Variants in PRKN observed in about 807,000 individuals in gnomAD.
PRKN encodes parkin RBR E3 ubiquitin protein ligase, also known as E3 ubiquitin-protein ligase parkin.
In PRKN, 56 loss-of-function variants were observed where a neutral mutation model predicts 59.5. The observed-to-expected ratio is 0.94, with a 90% confidence interval of 0.76 to 1.18. The LOEUF is 1.18. Among genes scored for constraint, PRKN ranks in the 50% most tolerant of loss-of-function variants. The pLI is 0.00. For missense variants in PRKN, 657 were observed against 596.4 expected, an observed-to-expected ratio of 1.10 and a Z score of -1.06; for synonymous variants, 250 against 222.1, an observed-to-expected ratio of 1.13 and a Z score of -1.12.
intron 4 of PRKN, among the ~76,000 whole-genome samples, chr6:162,075,885 C>A (rs113299511): frequency 2.6e-5 from 4 of 151,718 alleles, no homozygotes; most frequent in African/African-American, 9.7e-5. Context: ...TTCACTGAAC[C>A]GTACACATTG....
chr6:161,580,545 C>T (rs922676643), intron 7 of PRKN, among the ~76,000 whole-genome samples: 5 of 152,070 alleles, frequency 3.3e-5, no homozygotes, highest in African/African-American at 9.7e-5. Flanking sequence ...GGTGCAATCT[C>T]GGCTCACTGC....
At chr6:161,689,494 A>C (rs1785695434) in intron 7 of PRKN, among the ~76,000 whole-genome samples, 1 of 152,170 alleles carries the variant, frequency 6.6e-6, no homozygotes, top group Non-Finnish European at 1.5e-5. Flanking sequence ...AAAACCTTTT[A>C]AAATAAAAGT....
At chr6:161,571,525 T>C (rs1011879879) in intron 7 of PRKN, among the ~76,000 whole-genome samples, 1 of 152,244 alleles carries the variant, frequency 6.6e-6, no homozygotes, top group Non-Finnish European at 1.5e-5. Context: ...AGATTAGATC[T>C]GTGCATTGTT....
rs886320505 is a variant in PRKN at position 161,393,656 on chromosome 6, C to T, written c.1084-6779G>A. Among the ~76,000 whole-genome samples the T allele has an allele frequency of 4.6e-5, 7 of 152,202 alleles. No individual in the cohort carries two copies. The highest frequency in any genetic ancestry group is 1.2e-4 in the African/African-American group (5 of 41,492). ...GCAAATGAACAGCTTCTAATGCAAT[C>T]GGAATATTCCAGTGGCTGCTGATCA... On this transcript the variant is annotated intron_variant, in intron 9 of 11. Transcript: ENST00000366898. This position sits in a 1 kb window ranked among gnomAD's most constrained non-coding sequence, Gnocchi z 4.7.
chr6:162,098,864 A>G (rs1379337715), intron 4 of PRKN, among the ~76,000 whole-genome samples: 1 of 152,066 alleles, frequency 6.6e-6, no homozygotes, highest in Non-Finnish European at 1.5e-5. Context: ...CCTATCAGGA[A>G]CTCTAAAGCA....
chr6:162,488,042 T>TG (rs1792632245), intron 1 of PRKN, among the ~76,000 whole-genome samples: 1 of 133,050 alleles, frequency 7.5e-6, no homozygotes, highest in Non-Finnish European at 1.7e-5. Flanking sequence ...TTTTTTTTTT[T>TG]TTTTTTTTTT....
intron 6 of PRKN, among the ~76,000 whole-genome samples, chr6:161,959,662 A>G (rs757098993): frequency 8.5e-5 from 13 of 152,180 alleles, no homozygotes; most frequent in Non-Finnish European, 1.6e-4. Context: ...CTCTGAGGTG[A>G]TACTCAGGGT....
At chr6:162,522,359 A>G (rs1402119141) in intron 1 of PRKN, among the ~76,000 whole-genome samples, 1 of 152,208 alleles carries the variant, frequency 6.6e-6, no homozygotes, top group Non-Finnish European at 1.5e-5. Flanking sequence ...TGTGAGCTTC[A>G]GTGATTCGCC....
At chr6:162,329,924 G>GA (rs1040014844) in intron 2 of PRKN, among the ~76,000 whole-genome samples, 4 of 152,126 alleles carry the variant, frequency 2.6e-5, no homozygotes, top group Non-Finnish European at 5.9e-5. Context: ...CGGCCTATCA[G>GA]AAACGGTATC....
chr6:162,572,024 T>C (rs1324379657), intron 1 of PRKN, among the ~76,000 whole-genome samples: 2 of 152,044 alleles, frequency 1.3e-5, no homozygotes, highest in Admixed American at 1.3e-4. Flanking sequence ...AAACCTAGGA[T>C]TGAACAATTA....
Position 162,487,846 on chromosome 6 carries a change from T to C in PRKN, c.8-44373A>G, listed in dbSNP as rs57771070. On this transcript the variant is annotated intron_variant, in intron 1 of 11. Coordinates refer to ENST00000366898, the MANE Select transcript of PRKN (RefSeq NM_004562.3). Reference sequence around the variant, plus strand: ...ATCCCAACACTTTGGGAGGCCAAGGTGGGAGGATCACTTGAGGCCAAGAGT... The same window carrying C: ...ATCCCAACACTTTGGGAGGCCAAGGCGGGAGGATCACTTGAGGCCAAGAGT... Among the ~76,000 whole-genome samples the C allele has an allele frequency of 3.2e-4, 49 of 152,174 alleles. No individual in the cohort carries two copies. In the East Asian group the frequency reaches 8.5e-3, roughly 26 times the overall value.
intron 1 of PRKN, among the ~76,000 whole-genome samples, chr6:162,673,217 T>C (rs1779401907): frequency 6.6e-6 from 1 of 152,188 alleles, no homozygotes; most frequent in Admixed American, 6.5e-5. Context: ...GAAGCCCACA[T>C]GAGGTGCTTC....
At chr6:162,021,996 C>T (rs1186380435) in intron 5 of PRKN, among the ~76,000 whole-genome samples, 2 of 152,090 alleles carry the variant, frequency 1.3e-5, no homozygotes, top group Non-Finnish European at 2.9e-5. Flanking sequence ...TGGCCTGTAA[C>T]TGCATCCACG....
chr6:162,536,033 A>C (rs1033993510), intron 1 of PRKN, among the ~76,000 whole-genome samples: 1 of 152,066 alleles, frequency 6.6e-6, no homozygotes, highest in East Asian at 1.9e-4. Context: ...ACTATAGCAA[A>C]AACATCAATG....
At chr6:162,435,159 G>A (rs1303418119) in intron 2 of PRKN, among the ~76,000 whole-genome samples, 1 of 152,114 alleles carries the variant, frequency 6.6e-6, no homozygotes, top group East Asian at 1.9e-4. Flanking sequence ...CAGGTTTCCT[G>A]TACCCTAATA....
intron 2 of PRKN, among the ~76,000 whole-genome samples, chr6:162,298,829 G>A (rs1222771353): frequency 6.6e-6 from 1 of 152,136 alleles, no homozygotes; most frequent in Non-Finnish European, 1.5e-5. Flanking sequence ...CAGAGCCAGG[G>A]CTGAGCCAGG....
intron 6 of PRKN, among the ~76,000 whole-genome samples, chr6:161,802,544 C>T (rs1791131475): frequency 6.6e-6 from 1 of 152,082 alleles, no homozygotes; most frequent in South Asian, 2.1e-4. Context: ...TCTCCGGCTC[C>T]TCCTGTGCGA....
chr6:162,259,548 C>T (rs1779798202), intron 3 of PRKN, among the ~76,000 whole-genome samples: 1 of 152,228 alleles, frequency 6.6e-6, no homozygotes, highest in African/African-American at 2.4e-5. Flanking sequence ...TAACTTTACG[C>T]TATCATTTTT....
At chr6:162,281,223 A>G (rs1224038071) in intron 2 of PRKN, among the ~76,000 whole-genome samples, 1 of 152,018 alleles carries the variant, frequency 6.6e-6, no homozygotes, top group Non-Finnish European at 1.5e-5. Flanking sequence ...CAATGAGAAC[A>G]CATGGACACA....
Sources: allele counts gnomAD v4.1 joint callset (sites outside exome capture counted in the v4.1 genomes callset), GRCh38; gene constraint gnomAD v4.1.1; non-coding constraint Gnocchi (gnomAD v3.1); transcripts MANE v1.5; gene names NCBI Gene and HGNC (gene_info 2026-07-23, HGNC 2026-07-21).